The following SHISA6 variants were observed in gnomAD, a reference collection of about 807,000 sequenced individuals.
SHISA6 encodes the protein protein shisa-6.
Under a neutral mutation model 47.9 loss-of-function variants are expected in SHISA6, and 22 were observed. The ratio of observed to expected loss-of-function variants is 0.46; its 90% CI spans 0.33 to 0.66. The LOEUF is 0.66. SHISA6 is among the 30% of genes least tolerant of loss of function. SHISA6 has a pLI of 0.02. For synonymous variants in SHISA6, 388 were observed against 337.8 expected (o/e 1.15, Z -1.63); for missense variants, 680 against 764.6 (o/e 0.89, Z 1.30).
chr17:11,552,689 G>C (rs2071941598), intron 4 of SHISA6, among the ~76,000 whole-genome samples: 1 of 152,210 alleles, frequency 6.6e-6, no homozygotes, highest in Non-Finnish European at 1.5e-5. Context: ...CAGGCTACCT[G>C]GTAGAGAGAC....
intron 3 of SHISA6, among the ~76,000 whole-genome samples, chr17:11,402,124 A>AG (rs1382343543): frequency 6.6e-6 from 1 of 152,112 alleles, no homozygotes; most frequent in Non-Finnish European, 1.5e-5. Context: ...TACTCTCTGA[A>AG]GGGGCTTCCT....
At chr17:11,247,774 T>TC (rs1378058635) in intron 1 of SHISA6, among the ~76,000 whole-genome samples, 1 of 150,432 alleles carries the variant, frequency 6.6e-6, no homozygotes, top group African/African-American at 2.5e-5. Context: ...TTGGCGTCTT[T>TC]CTTTTTTTTT....
At chr17:11,386,740 A>G (rs73975387) in intron 3 of SHISA6, among the ~76,000 whole-genome samples, 23,921 of 152,262 alleles carry the variant, frequency 0.16, 2,117 homozygotes, top group Middle Eastern at 0.26. Context: ...AAACCCCACC[A>G]GGCCACATAT....
At chr17:11,360,063 AC>A (rs1912213006) in intron 2 of SHISA6, among the ~76,000 whole-genome samples, 1 of 152,218 alleles carries the variant, frequency 6.6e-6, no homozygotes, top group Non-Finnish European at 1.5e-5. Context: ...CTTGGAACCA[AC>A]CCAGATGCCC....
chr17:11,425,931 A>C (rs1914599175), intron 3 of SHISA6, among the ~76,000 whole-genome samples: 1 of 152,140 alleles, frequency 6.6e-6, no homozygotes, highest in African/African-American at 2.4e-5. Flanking sequence ...CCAACACTGA[A>C]CCACTCATTG....
intron 3 of SHISA6, among the ~76,000 whole-genome samples, chr17:11,417,085 GACA>G (rs142195801): frequency 1.3e-4 from 20 of 151,898 alleles, no homozygotes; most frequent in Admixed American, 2.6e-4. Context: ...CTGGCAAGCT[GACA>G]ACAACAACAA....
chr17:11,403,388 G>A (rs1913844030), intron 3 of SHISA6, among the ~76,000 whole-genome samples: 1 of 152,192 alleles, frequency 6.6e-6, no homozygotes, highest in South Asian at 2.1e-4. Flanking sequence ...GAATCTGATT[G>A]CTTTGTTGAT....
Position 11,502,266 on chromosome 17 carries a change from G to A in SHISA6, c.896-49630G>A, listed in dbSNP as rs1405455492. Among the ~76,000 whole-genome samples, 11 of 151,336 alleles carry A rather than the reference G, an allele frequency of 7.3e-5. 1 individual carries two copies. The East Asian group carries it at 2.2e-3, about 30-fold the overall frequency. ...CTACTAAAAATACAAAAAATTAGCC[G>A]GGCGTGGTAGCGGGCGCCTGTAGTC... On this transcript the variant is annotated intron_variant, in intron 3 of 5. Coordinates refer to ENST00000441885, the MANE Select transcript of SHISA6 (RefSeq NM_207386.4).
At chr17:11,394,715 G>C (rs893778215) in intron 3 of SHISA6, among the ~76,000 whole-genome samples, 4 of 151,386 alleles carry the variant, frequency 2.6e-5, no homozygotes, top group African/African-American at 4.9e-5. Flanking sequence ...AACAATTTCA[G>C]ACATATATAA....
intron 1 of SHISA6, among the ~76,000 whole-genome samples, chr17:11,257,008 A>G (rs1315351886): frequency 6.6e-6 from 1 of 152,200 alleles, no homozygotes; most frequent in Non-Finnish European, 1.5e-5. Context: ...ATTGGCCATG[A>G]TGAATTTCAA....
At chr17:11,291,142 T>C (rs1052392063) in intron 2 of SHISA6, among the ~76,000 whole-genome samples, 3 of 152,104 alleles carry the variant, frequency 2.0e-5, no homozygotes, top group African/African-American at 7.2e-5. Context: ...TGAGCAGATA[T>C]CTGCCCTTAG....
At chr17:11,467,292 G>A (rs997669864) in intron 3 of SHISA6, among the ~76,000 whole-genome samples, 1 of 152,160 alleles carries the variant, frequency 6.6e-6, no homozygotes, top group Non-Finnish European at 1.5e-5. Context: ...GTCCCCATCT[G>A]AGAGATAGTT....
chr17:11,390,727 A>T (rs556485331), intron 3 of SHISA6, among the ~76,000 whole-genome samples: 2 of 152,316 alleles, frequency 1.3e-5, no homozygotes, highest in East Asian at 3.9e-4. Context: ...TAGCTGAGGA[A>T]GAAAATAATT....
chr17:11,386,509 G>A (rs1265723720), intron 3 of SHISA6, among the ~76,000 whole-genome samples: 2 of 152,198 alleles, frequency 1.3e-5, no homozygotes, highest in East Asian at 3.8e-4. Flanking sequence ...GAGAGCAGTA[G>A]TCAGCCAGAA....
At chr17:11,449,446 TA>T (rs1002676888) in intron 3 of SHISA6, among the ~76,000 whole-genome samples, 1 of 148,296 alleles carries the variant, frequency 6.7e-6, no homozygotes, top group Admixed American at 6.7e-5. Context: ...CCATCTCTAT[TA>T]AAAAAAAAGA....
At chr17:11,261,177 C>T (rs868422980) in intron 1 of SHISA6, among the ~76,000 whole-genome samples, 12 of 152,068 alleles carry the variant, frequency 7.9e-5, no homozygotes, top group South Asian at 4.1e-4. Flanking sequence ...CTTAAGGCCA[C>T]GTGGTCTGGG....
intron 3 of SHISA6, among the ~76,000 whole-genome samples, chr17:11,442,361 C>A (rs1002155397): frequency 2.0e-5 from 3 of 151,922 alleles, no homozygotes; most frequent in Non-Finnish European, 4.4e-5. Flanking sequence ...CTCTCCCTCA[C>A]ATCCCTCACT....
chr17:11,383,330 G>A (rs962943284), intron 3 of SHISA6, among the ~76,000 whole-genome samples: 1 of 152,132 alleles, frequency 6.6e-6, no homozygotes, highest in Non-Finnish European at 1.5e-5. Context: ...AGGGCCTGGG[G>A]GTAAGAATGC....
At chr17:11,246,158 T>C (rs1907578688) in intron 1 of SHISA6, among the ~76,000 whole-genome samples, 1 of 152,142 alleles carries the variant, frequency 6.6e-6, no homozygotes, top group African/African-American at 2.4e-5. Flanking sequence ...GGACTGAAAG[T>C]TTTAGCCTTG....
Sources: gnomAD v4.1 joint callset for allele counts (sites outside exome capture counted in the v4.1 genomes callset) on GRCh38, gnomAD v4.1.1 for gene constraint, MANE v1.5 for transcripts, NCBI Gene and HGNC (gene_info 2026-07-23, HGNC 2026-07-21) for gene names.